PDE10A: variants seen among roughly 807,000 people sequenced by gnomAD.
PDE10A encodes cAMP and cAMP-inhibited cGMP 3',5'-cyclic phosphodiesterase 10A.
PDE10A carries 39 observed loss-of-function variants against 97.7 expected under a neutral mutation model. That is an observed-to-expected ratio of 0.40 (90% CI 0.31 to 0.52). The LOEUF is 0.52. Ranked by LOEUF, PDE10A falls within the 20% of genes least tolerant of loss-of-function variation. The pLI is 0.56. For missense variants in PDE10A, 731 were observed against 1,047.8 expected, an observed-to-expected ratio of 0.70 and a Z score of 4.17; for synonymous variants, 371 against 376.8, an observed-to-expected ratio of 0.98 and a Z score of 0.18.
chr6:165,485,603 T>G (rs1009541234), intron 2 of PDE10A, among the ~76,000 whole-genome samples: 1 of 151,768 alleles, frequency 6.6e-6, no homozygotes, highest in African/African-American at 2.4e-5. Flanking sequence ...CCTTTTTTTT[T>G]TTTTTTGAGA....
chr6:165,673,270 T>C (rs1373261266), intron 1 of PDE10A, among the ~76,000 whole-genome samples: 1 of 152,262 alleles, frequency 6.6e-6, no homozygotes, highest in Non-Finnish European at 1.5e-5. Flanking sequence ...CCCTAGTGCA[T>C]GTATATAGAA....
At chr6:165,516,364 C>T (rs62443788) in intron 2 of PDE10A, among the ~76,000 whole-genome samples, 26,546 of 152,118 alleles carry the variant, frequency 0.17, 3,279 homozygotes, top group African/African-American at 0.36. Context: ...ATGCTTCCTC[C>T]CTAAATCCCC....
chr6:165,801,423 T>C (rs960135543), intron 1 of PDE10A, among the ~76,000 whole-genome samples: 2 of 152,198 alleles, frequency 1.3e-5, no homozygotes, highest in Admixed American at 6.5e-5. Context: ...TACATGCCTG[T>C]AATTCCAGCT....
intron 2 of PDE10A, among the ~76,000 whole-genome samples, chr6:165,541,611 G>T (rs1173061358): frequency 6.6e-6 from 1 of 152,158 alleles, no homozygotes; most frequent in African/African-American, 2.4e-5. Flanking sequence ...ATAGCAAGCT[G>T]AAATTTGCAT....
intron 2 of PDE10A, among the ~76,000 whole-genome samples, chr6:165,486,004 G>A (rs973320089): frequency 6.6e-6 from 1 of 152,198 alleles, no homozygotes; most frequent in Non-Finnish European, 1.5e-5. Flanking sequence ...CAACTTTTAG[G>A]AGAGGCTGCA....
rs1790273991 is a variant in PDE10A, at chr6:165,661,711, C to T, written c.865+236G>A. 4.5e-6 allele frequency: 2 copies of T among 443,012 alleles called. No homozygotes were observed. The highest frequency in any genetic ancestry group is 4.5e-5 in the Admixed American group (1 of 22,158). 27.4% of individuals were successfully genotyped at this position (443,012 alleles called of 1,614,324 possible). On this transcript the variant is annotated intron_variant, in intron 1 of 21. Transcript: ENST00000539869. The surrounding 1 kb of genome is among the most constrained non-coding windows in gnomAD (Gnocchi z 4.8). ...CCCGCCGCCCTCCCGAGCCGCCCTT[C>T]CCCCGAGCGCTCGCGGAGCCTGGGA... is the stretch of plus-strand genomic sequence containing the variant.
chr6:165,409,888 G>GTT (rs58019647), intron 13 of PDE10A, among the ~76,000 whole-genome samples: 5,276 of 140,494 alleles, frequency 0.038, 335 homozygotes, highest in African/African-American at 0.12. Flanking sequence ...CTTTTCAGAA[G>GTT]TTTTTTTTTT....
chr6:165,575,772 A>T (rs996467726), intron 1 of PDE10A, among the ~76,000 whole-genome samples: 2 of 152,232 alleles, frequency 1.3e-5, no homozygotes, highest in South Asian at 2.1e-4. Context: ...TTCATTCCCC[A>T]TAACTGCACT....
intron 1 of PDE10A, chr6:165,775,804 G>T (rs1778163638): frequency 6.6e-6 from 1 of 152,156 alleles, no homozygotes; most frequent in Non-Finnish European, 1.5e-5. Flanking sequence ...CACCTATAAA[G>T]CTCATAGGTA....
chr6:165,491,886 C>CA (rs1481787915), intron 2 of PDE10A, among the ~76,000 whole-genome samples: 1 of 151,006 alleles, frequency 6.6e-6, no homozygotes, highest in Non-Finnish European at 1.5e-5. Flanking sequence ...GAAATCGAAA[C>CA]AAAAAAACAA....
intron 1 of PDE10A, among the ~76,000 whole-genome samples, chr6:165,891,881 C>T (rs1201683981): frequency 6.6e-6 from 1 of 151,886 alleles, no homozygotes; most frequent in Non-Finnish European, 1.5e-5. Flanking sequence ...TAATAACCTT[C>T]GTGATCACCC....
At chr6:165,599,573 T>A (rs1168083072) in intron 1 of PDE10A, among the ~76,000 whole-genome samples, 2 of 152,224 alleles carry the variant, frequency 1.3e-5, no homozygotes, top group Non-Finnish European at 2.9e-5. Flanking sequence ...TATGCCTCAA[T>A]TACATTTTAG....
At chr6:165,693,611 T>C (rs1791366942) in intron 1 of PDE10A, among the ~76,000 whole-genome samples, 1 of 151,556 alleles carries the variant, frequency 6.6e-6, no homozygotes, top group Non-Finnish European at 1.5e-5. Flanking sequence ...CTCCATGTTA[T>C]CATCATGATG....
intron 1 of PDE10A, among the ~76,000 whole-genome samples, chr6:165,563,211 A>G (rs1255972051): frequency 7.0e-6 from 1 of 143,680 alleles, no homozygotes; most frequent in Non-Finnish European, 1.5e-5. Context: ...GGAGGGGGGA[A>G]AAAGAAAAAA....
In PDE10A at chr6:165,328,524, G is replaced by T. The variant is rs1781167920; in HGVS notation, c.*4501C>A. 6.6e-6 allele frequency: 1 copy of T among 152,172 alleles called. No homozygotes were observed. Among genetic ancestry groups the T allele is most frequent in the Non-Finnish European group, 1.5e-5 (1 of 68,054 alleles). 9.4% of individuals were successfully genotyped at this position (152,172 alleles called of 1,614,324 possible). A position where few individuals can be genotyped will look rare whatever the true frequency, so the allele number is the denominator to read the frequency against. ...GTGACATTATCCTTTGCCTCACAGG[G>T]CCACACCTGGCCCTGTGTGCCATTG... On this transcript the variant is annotated 3_prime_UTR_variant, in exon 22 of 22. Transcript: ENST00000539869.
chr6:165,431,798 T>C (rs1475525077), intron 7 of PDE10A, among the ~76,000 whole-genome samples: 1 of 151,796 alleles, frequency 6.6e-6, no homozygotes, highest in Non-Finnish European at 1.5e-5. Context: ...TAACTGACTT[T>C]AATGTTCTCT....
At chr6:165,694,634 G>A (rs757001719) in intron 1 of PDE10A, among the ~76,000 whole-genome samples, 4 of 152,200 alleles carry the variant, frequency 2.6e-5, no homozygotes, top group Non-Finnish European at 4.4e-5. Flanking sequence ...CTGCTGCCTC[G>A]TTTATAAAGA....
chr6:165,919,630 C>T (rs1782698424), intron 1 of PDE10A, among the ~76,000 whole-genome samples: 1 of 152,190 alleles, frequency 6.6e-6, no homozygotes, highest in Non-Finnish European at 1.5e-5. Context: ...GCCCTTTGAG[C>T]ATATAAAAAA....
In PDE10A at chr6:165,332,935, T is replaced by TGGGC; in HGVS notation, c.*89_*90insGCCC. The TGGGC allele has an allele frequency of 1.7e-6, 1 of 593,426 alleles. No homozygotes were observed. The allele number at this position is 593,426 out of a possible 1,614,324, so 36.8% of individuals were successfully genotyped here. A position where few individuals can be genotyped will look rare whatever the true frequency, so the allele number is the denominator to read the frequency against. On this transcript the variant is annotated 3_prime_UTR_variant, in exon 22 of 22. Transcript: ENST00000539869. ...TGCACCCCAGTTACCAGGTGCAGGT[T>TGGGC]CCCCCCACCCCCCCCAAAAAAAGGA...
Sources: allele counts gnomAD v4.1 joint callset (sites outside exome capture counted in the v4.1 genomes callset), GRCh38; gene constraint gnomAD v4.1.1; non-coding constraint Gnocchi (gnomAD v3.1); transcripts MANE v1.5; gene names NCBI Gene and HGNC (gene_info 2026-07-23, HGNC 2026-07-21).